The following GALNTL6 variants were observed in gnomAD, a reference collection of about 807,000 sequenced individuals.
GALNTL6 encodes polypeptide N-acetylgalactosaminyltransferase like 6.
A neutral mutation model predicts 73.7 loss-of-function variants in GALNTL6; 46 were observed. The ratio of observed to expected loss-of-function variants is 0.62; its 90% CI spans 0.49 to 0.80. GALNTL6 has a LOEUF of 0.80. Among genes scored for constraint, GALNTL6 ranks in the 30% least tolerant of loss-of-function variants. The pLI, the probability that GALNTL6 is intolerant of heterozygous loss-of-function variation, is 0.00. For synonymous variants in GALNTL6, 259 were observed against 263.7 expected (o/e 0.98, Z 0.17); for missense variants, 604 against 755.0 (o/e 0.80, Z 2.34).
At chr4:172,862,800 C>A (rs927760594) in intron 7 of GALNTL6, among the ~76,000 whole-genome samples, 1 of 152,190 alleles carries the variant, frequency 6.6e-6, no homozygotes. Flanking sequence ...TATTAATCAA[C>A]AAGACAACGT....
Position 172,559,190 on chromosome 4 carries a change from G to A in GALNTL6, c.553+210501G>A, listed in dbSNP as rs781358532. On this transcript the variant is annotated intron_variant, in intron 5 of 12. Transcript: ENST00000506823. Reference sequence around the variant, plus strand: ...TGCCGTTCTCCTGCCTCAGCCTCCCGAGTAGCTGAGACCACAGGCACCCGC... The same window carrying A: ...TGCCGTTCTCCTGCCTCAGCCTCCCAAGTAGCTGAGACCACAGGCACCCGC... Among the ~76,000 whole-genome samples the A allele has an allele frequency of 3.7e-4, 53 of 142,400 alleles. 1 individual carries two copies. The highest frequency in any genetic ancestry group is 4.0e-3 in the Middle Eastern group (1 of 248). The allele number at this position is 142,400 out of a possible 152,430, so 93.4% of individuals were successfully genotyped here. A position where few individuals can be genotyped will look rare whatever the true frequency, so the allele number is the denominator to read the frequency against.
intron 10 of GALNTL6, among the ~76,000 whole-genome samples, chr4:172,977,337 C>A (rs575452613): frequency 6.6e-6 from 1 of 152,246 alleles, no homozygotes; most frequent in Admixed American, 6.5e-5. Flanking sequence ...AGAGGCACTG[C>A]CAAAATTTAC....
intron 8 of GALNTL6, among the ~76,000 whole-genome samples, chr4:172,913,242 T>C (rs1008159703): frequency 6.6e-6 from 1 of 152,116 alleles, no homozygotes; most frequent in Non-Finnish European, 1.5e-5. Context: ...TAGGTCACCA[T>C]CATCAAAGAC....
chr4:172,927,909 C>T (rs944494311), intron 8 of GALNTL6, among the ~76,000 whole-genome samples: 2 of 152,076 alleles, frequency 1.3e-5, no homozygotes, highest in African/African-American at 4.8e-5. Flanking sequence ...AGACATAGAC[C>T]GATCCCCTAA....
intron 5 of GALNTL6, among the ~76,000 whole-genome samples, chr4:172,744,182 G>A (rs1446646088): frequency 6.6e-6 from 1 of 152,004 alleles, no homozygotes; most frequent in East Asian, 1.9e-4. Flanking sequence ...GTTAGACAAA[G>A]GTTAACATTC....
At chr4:172,525,901 A>G (rs2110830859) in intron 5 of GALNTL6, among the ~76,000 whole-genome samples, 1 of 152,258 alleles carries the variant, frequency 6.6e-6, no homozygotes, top group African/African-American at 2.4e-5. Context: ...ATTGTTTGAG[A>G]TTTACTGGTT....
At chr4:172,632,720 C>A (rs532119620) in intron 5 of GALNTL6, among the ~76,000 whole-genome samples, 2 of 152,288 alleles carry the variant, frequency 1.3e-5, no homozygotes, top group South Asian at 4.1e-4. Flanking sequence ...GAAAATGTCT[C>A]CAGAGCATGT....
At position 172,626,831 on chromosome 4, in the gene GALNTL6, A is replaced by G. The variant is rs1328594697; in HGVS notation, c.554-182530A>G. On this transcript the variant is annotated intron_variant, in intron 5 of 12. Transcript: ENST00000506823. ...TTGCATAGAAATGGCACTAATTTTT[A>G]TAAATTTATTTTGTATCTTGAAACT... Among the ~76,000 whole-genome samples, 3 of 152,176 alleles carry G rather than the reference A, an allele frequency of 2.0e-5. No individual in the cohort carries two copies. In the East Asian group the frequency reaches 5.8e-4, roughly 29 times the overall value.
intron 7 of GALNTL6, among the ~76,000 whole-genome samples, chr4:172,833,072 T>C (rs948130909): frequency 6.7e-6 from 1 of 150,170 alleles, no homozygotes; most frequent in African/African-American, 2.5e-5. Context: ...GTGTGTGTTA[T>C]GTGTGTGCGC....
intron 5 of GALNTL6, among the ~76,000 whole-genome samples, chr4:172,481,698 A>C (rs746991833): frequency 5.5e-4 from 84 of 152,132 alleles, no homozygotes; most frequent in Non-Finnish European, 9.7e-4. Context: ...CTAGAGGCAG[A>C]GCACTGATTG....
chr4:172,457,036 G>C (rs567709665), intron 5 of GALNTL6, among the ~76,000 whole-genome samples: 2 of 152,004 alleles, frequency 1.3e-5, no homozygotes, highest in Middle Eastern at 3.2e-3. Context: ...GAAGAGAGTG[G>C]GGGCCAATAT....
intron 5 of GALNTL6, among the ~76,000 whole-genome samples, chr4:172,491,577 T>G (rs767466215): frequency 6.6e-6 from 1 of 152,090 alleles, no homozygotes; most frequent in Non-Finnish European, 1.5e-5. Context: ...CTCTTGAGTA[T>G]GAAGTTTACC....
intron 5 of GALNTL6, among the ~76,000 whole-genome samples, chr4:172,368,569 A>G (rs547652682): frequency 1.3e-5 from 2 of 152,364 alleles, no homozygotes; most frequent in Admixed American, 1.3e-4. Flanking sequence ...AAGCTCATCT[A>G]AAACAGCAAG....
At chr4:172,286,566 A>G (rs1246117352) in intron 3 of GALNTL6, among the ~76,000 whole-genome samples, 1 of 152,222 alleles carries the variant, frequency 6.6e-6, no homozygotes, top group Non-Finnish European at 1.5e-5. Flanking sequence ...TAAGGAATTC[A>G]GGTTATGGGC....
intron 11 of GALNTL6, among the ~76,000 whole-genome samples, chr4:173,010,627 G>A (rs548193395): frequency 2.2e-4 from 33 of 151,490 alleles, no homozygotes; most frequent in African/African-American, 8.0e-4. Context: ...ACGGAGTCTC[G>A]CTCTGTCACC....
intron 5 of GALNTL6, among the ~76,000 whole-genome samples, chr4:172,773,931 T>C (rs7376969): frequency 0.68 from 102,923 of 151,844 alleles, 35,576 homozygotes; most frequent in East Asian, 0.98. Context: ...CCTGTACAAG[T>C]AAGTGTCTAA....
intron 2 of GALNTL6, among the ~76,000 whole-genome samples, chr4:172,152,178 C>G (rs956029706): frequency 6.6e-6 from 1 of 151,958 alleles, no homozygotes; most frequent in Non-Finnish European, 1.5e-5. Flanking sequence ...GGGTTTCACC[C>G]TGTTGGTCAG....
rs574796231 is a variant in GALNTL6 at position 172,451,414 on chromosome 4, C to T, written c.553+102725C>T. Among the ~76,000 whole-genome samples, 327 of 152,162 alleles carry T rather than the reference C, an allele frequency of 2.1e-3. 1 individual carries two copies. The highest frequency in any genetic ancestry group is 7.4e-3 in the African/African-American group (308 of 41,506). On this transcript the variant is annotated intron_variant, in intron 5 of 12. Transcript: ENST00000506823. ...ATAGTTCTTAGCTCTTAGAGCAAAC[C>T]ACAAAGACCCATTTAACCTTTATAG...
At chr4:173,028,023 A>C (rs1753303171) in intron 12 of GALNTL6, among the ~76,000 whole-genome samples, 1 of 152,188 alleles carries the variant, frequency 6.6e-6, no homozygotes, top group Non-Finnish European at 1.5e-5. Flanking sequence ...GAAAAATCTT[A>C]AAAACTATAG....
Sources: allele counts gnomAD v4.1 joint callset (sites outside exome capture counted in the v4.1 genomes callset), GRCh38; gene constraint gnomAD v4.1.1; transcripts MANE v1.5; gene names NCBI Gene and HGNC (gene_info 2026-07-23, HGNC 2026-07-21).